The following PTK2 variants were observed in gnomAD, a reference collection of about 807,000 sequenced individuals.
The protein encoded by PTK2 is focal adhesion kinase 1.
A neutral mutation model predicts 150.1 loss-of-function variants in PTK2; 45 were observed. The observed-to-expected ratio is 0.30, with a 90% CI of 0.24 to 0.38. The LOEUF (loss-of-function observed/expected upper bound fraction) is 0.38. Among genes scored for constraint, PTK2 ranks in the 10% least tolerant of loss-of-function variants. PTK2 has a pLI of 1.00. For missense variants in PTK2, 919 were observed against 1,307.3 expected (o/e 0.70, Z 4.58); for synonymous variants, 432 against 449.2 (o/e 0.96, Z 0.48).
intron 1 of PTK2, chr8:140,927,550 A>G (rs1478001175): frequency 2.9e-4 from 44 of 152,204 alleles, no homozygotes; most frequent in Non-Finnish European, 6.3e-4. Context: ...TGGTGAATGT[A>G]AATCCCTTCT....
intron 2 of PTK2, among the ~76,000 whole-genome samples, chr8:140,923,033 T>C (rs2100168128): frequency 6.6e-6 from 1 of 152,166 alleles, no homozygotes. Flanking sequence ...GGGAGAGGGA[T>C]GAACCTGGTT....
At chr8:140,735,102 A>G (rs927623978) in intron 22 of PTK2, 149 bp downstream of exon 25, 18 of 720,636 alleles carry the variant, frequency 2.5e-5, no homozygotes, top group African/African-American at 5.4e-5. Context: ...AAAGAAATGC[A>G]AATCAATTTT....
chr8:140,658,336 C>T (rs1399353907), exon 32 of PTK2: 1 of 173,812 alleles, frequency 5.8e-6, no homozygotes, highest in Non-Finnish European at 1.2e-5. Flanking sequence ...GTTATCTTAT[C>T]TGACAAGTCA....
chr8:140,986,672 G>A (rs996351121), intron 1 of PTK2, among the ~76,000 whole-genome samples: 1 of 152,222 alleles, frequency 6.6e-6, no homozygotes, highest in Non-Finnish European at 1.5e-5. Context: ...CACACCTCCA[G>A]AGAGTAAACC....
chr8:140,798,605 C>T (rs969042634), intron 12 of PTK2, among the ~76,000 whole-genome samples: 7 of 152,074 alleles, frequency 4.6e-5, no homozygotes, highest in African/African-American at 1.2e-4. Flanking sequence ...AAGATGTTTA[C>T]GTTTTAAACA....
At chr8:140,924,721 A>C (rs1229500238) in intron 2 of PTK2, among the ~76,000 whole-genome samples, 2 of 152,230 alleles carry the variant, frequency 1.3e-5, no homozygotes, top group African/African-American at 4.8e-5. Context: ...CTTTCTCAAG[A>C]ATATGAGAAG....
chr8:140,824,256 G>A (rs1481345226), intron 8 of PTK2, among the ~76,000 whole-genome samples: 4 of 152,278 alleles, frequency 2.6e-5, no homozygotes, highest in South Asian at 4.1e-4. Flanking sequence ...AGACAATCTG[G>A]ACTCCAATTT....
chr8:140,906,692 A>G (rs1295253889), intron 2 of PTK2, among the ~76,000 whole-genome samples: 1 of 152,178 alleles, frequency 6.6e-6, no homozygotes. Context: ...AAATAGAAGT[A>G]GGTTAAGGGG....
intron 31 of PTK2, among the ~76,000 whole-genome samples, chr8:140,662,243 G>A (rs1198313559): frequency 6.6e-6 from 1 of 151,934 alleles, no homozygotes; most frequent in Non-Finnish European, 1.5e-5. Context: ...GTTATAGTGA[G>A]CTGTGATGGA....
intron 22 of PTK2, chr8:140,734,654 C>A (rs1432706066): frequency 4.2e-6 from 2 of 476,640 alleles, no homozygotes; most frequent in Non-Finnish European, 8.4e-6. Context: ...CAAAATGGCA[C>A]CTGAACAAGC....
intron 15 of PTK2, 57 bp from the exon 18 acceptor site, chr8:140,762,445 GC>G: frequency 1.1e-6 from 1 of 917,430 alleles, no homozygotes; most frequent in Non-Finnish European, 1.4e-6. Context: ...ATAACTAACA[GC>G]AATTAGGTTA....
At chr8:140,663,483 C>G (rs1415743158) in intron 31 of PTK2, among the ~76,000 whole-genome samples, 5 of 152,222 alleles carry the variant, frequency 3.3e-5, no homozygotes, top group Admixed American at 2.6e-4. Context: ...ATCCTGGACT[C>G]TGTAGTGGGG....
intron 1 of PTK2, among the ~76,000 whole-genome samples, chr8:140,939,075 G>A (rs1322043366): frequency 6.6e-6 from 1 of 151,962 alleles, no homozygotes; most frequent in African/African-American, 2.4e-5. Flanking sequence ...AAGTAGGGTT[G>A]GGGAAGAAAA....
intron 5 of PTK2, among the ~76,000 whole-genome samples, chr8:140,849,165 T>C (rs953436185): frequency 2.0e-5 from 3 of 152,228 alleles, no homozygotes; most frequent in African/African-American, 7.2e-5. Context: ...GAAATCTATT[T>C]GTGGCCCGAT....
At chr8:140,662,715 A>T (rs1365115478) in intron 31 of PTK2, 2 of 599,752 alleles carry the variant, frequency 3.3e-6, no homozygotes, top group Non-Finnish European at 6.4e-6. Context: ...GGTCAACTGG[A>T]ACATCCCCTG....
At chr8:140,793,409 C>A (rs1188398517) in intron 12 of PTK2, 25 bp from the exon 13 acceptor site, 1 of 1,607,480 alleles carries the variant, frequency 6.2e-7, no homozygotes, top group South Asian at 1.1e-5. Flanking sequence ...AAAAGAGATG[C>A]ATAAGGCTCT....
At chr8:140,701,123 A>C in intron 25 of PTK2, 101 bp from the exon 29 acceptor site, 1 of 1,313,772 alleles carries the variant, frequency 7.6e-7, no homozygotes, top group Non-Finnish European at 1.0e-6. Flanking sequence ...GCAAAACAGC[A>C]AGTATGAGAA....
intron 8 of PTK2, among the ~76,000 whole-genome samples, chr8:140,829,541 T>C (rs1359641853): frequency 6.6e-6 from 1 of 152,212 alleles, no homozygotes; most frequent in Non-Finnish European, 1.5e-5. Flanking sequence ...TTTACGGATG[T>C]GTAAACTGAA....
rs1387163719 is a variant in PTK2 at position 140,744,015 on chromosome 8, G to C, written c.1634+637C>G. 2.0e-5 allele frequency among the ~76,000 whole-genome samples: 3 copies of C among 150,622 alleles called. No individual in the cohort carries two copies. In the East Asian group the frequency reaches 5.8e-4, roughly 29 times the overall value. ...GATGTTCTCGATCTCCTGATCTTGTGATCTGCCCGCTTCGGCCTCCCAAAG... is the reference window on the plus strand; with the variant it reads ...GATGTTCTCGATCTCCTGATCTTGTCATCTGCCCGCTTCGGCCTCCCAAAG... On this transcript the variant is annotated intron_variant, in intron 19 of 31. Coordinates refer to ENST00000522684, the Ensembl canonical transcript of PTK2.
Sources: gnomAD v4.1 joint callset for allele counts (sites outside exome capture counted in the v4.1 genomes callset) on GRCh38, gnomAD v4.1.1 for gene constraint, MANE v1.5 for transcripts, NCBI Gene and HGNC (gene_info 2026-07-23, HGNC 2026-07-21) for gene names.